Variants in IPO9 observed in about 807,000 individuals in gnomAD.
The protein encoded by IPO9 is importin 9, also known as importin-9.
A neutral mutation model predicts 128.6 loss-of-function variants in IPO9; 28 were observed. The observed-to-expected ratio is 0.22, with a 90% CI of 0.16 to 0.30. The LOEUF is 0.30. IPO9 is among the 10% of genes least tolerant of loss of function. The pLI is 1.00. For synonymous variants in IPO9, 455 were observed against 475.8 expected, an observed-to-expected ratio of 0.96 and a Z score of 0.57; for missense variants, 935 against 1,293.9, an observed-to-expected ratio of 0.72 and a Z score of 4.26.
rs1385118298 is a variant in IPO9 at position 201,881,490 on chromosome 1, C to T, written c.*5436C>T. ...TTGCAGAGAAAAAGTAAGAAAAGGC[C>T]GTCATGAAACAATTTCATTTTCAGA... On this transcript the variant is annotated 3_prime_UTR_variant, in exon 24 of 24. Transcript: ENST00000361565. 3.3e-5 allele frequency: 5 copies of T among 152,190 alleles called. No homozygotes were observed. Among genetic ancestry groups the T allele is most frequent in the African/African-American group, 1.2e-4 (5 of 41,512 alleles). 9.4% of individuals were successfully genotyped at this position (152,190 alleles called of 1,614,324 possible). A position where few individuals can be genotyped will look rare whatever the true frequency, so the allele number is the denominator to read the frequency against.
intron 8 of IPO9, 30 bp downstream of exon 8, chr1:201,854,953 A>G (rs756978298): frequency 6.5e-7 from 1 of 1,535,078 alleles, no homozygotes; most frequent in Non-Finnish European, 8.8e-7. Flanking sequence ...TAAGGGAGCT[A>G]CTACCACCTA....
chr1:201,872,149 C>T (rs575651621), intron 19 of IPO9, among the ~76,000 whole-genome samples: 2 of 152,132 alleles, frequency 1.3e-5, no homozygotes, highest in South Asian at 2.1e-4. Context: ...GCAGGAGAAT[C>T]GCTTGAACCA....
At chr1:201,856,597 G>C (rs1680332810) in intron 10 of IPO9, among the ~76,000 whole-genome samples, 1 of 152,134 alleles carries the variant, frequency 6.6e-6, no homozygotes, top group Non-Finnish European at 1.5e-5. Flanking sequence ...TACCTACCTT[G>C]CTACTTAATA....
At chr1:201,830,057 A>G (rs1038031471) in intron 1 of IPO9, among the ~76,000 whole-genome samples, 1 of 152,184 alleles carries the variant, frequency 6.6e-6, no homozygotes, top group African/African-American at 2.4e-5. Flanking sequence ...TCCGTCCTCT[A>G]TTGTGTGCTT....
At chr1:201,831,471 C>T (rs1473263909) in intron 1 of IPO9, among the ~76,000 whole-genome samples, 2 of 152,048 alleles carry the variant, frequency 1.3e-5, no homozygotes, top group South Asian at 2.1e-4. Context: ...TAGTCTGGCT[C>T]CTTAATGTCT....
At position 201,881,491 on chromosome 1, in the gene IPO9, G is replaced by A. The variant is rs996049344; in HGVS notation, c.*5437G>A. On this transcript the variant is annotated 3_prime_UTR_variant, in exon 24 of 24. Coordinates refer to ENST00000361565, the MANE Select transcript of IPO9 (RefSeq NM_018085.5). Reference sequence around the variant, plus strand: ...TGCAGAGAAAAAGTAAGAAAAGGCCGTCATGAAACAATTTCATTTTCAGAC... The same window carrying A: ...TGCAGAGAAAAAGTAAGAAAAGGCCATCATGAAACAATTTCATTTTCAGAC... 10 of 152,090 alleles carry A rather than the reference G, an allele frequency of 6.6e-5. No individual in the cohort carries two copies. Among genetic ancestry groups the A allele is most frequent in the African/African-American group, 1.9e-4 (8 of 41,396 alleles). 9.4% of individuals were successfully genotyped at this position (152,090 alleles called of 1,614,324 possible).
rs555515164 is a variant in IPO9 at position 201,869,818 on chromosome 1, G to A, written c.2133+100G>A. On this transcript the variant is annotated intron_variant, in intron 17 of 23. Coordinates refer to ENST00000361565, the MANE Select transcript of IPO9 (RefSeq NM_018085.5). ...ACATGGTTTTATGCTTTTGAAATAC[G>A]GAATTCTCAACTCCATATTTACTTA... The A allele has an allele frequency of 1.8e-5, 25 of 1,389,544 alleles. 1 individual carries two copies. The East Asian group carries it at 1.9e-4, about 11-fold the overall frequency. 86.1% of individuals were successfully genotyped at this position (1,389,544 alleles called of 1,614,324 possible).
intron 1 of IPO9, among the ~76,000 whole-genome samples, chr1:201,835,861 C>T (rs1679910317): frequency 6.6e-6 from 1 of 152,100 alleles, no homozygotes; most frequent in Admixed American, 6.5e-5. Flanking sequence ...CCTGTAATCC[C>T]AGCACTTTGG....
At chr1:201,843,888 A>G (rs532620814) in intron 1 of IPO9, among the ~76,000 whole-genome samples, 45 of 151,866 alleles carry the variant, frequency 3.0e-4, no homozygotes, top group Non-Finnish European at 6.2e-4. Flanking sequence ...AATAAGGCTT[A>G]CAGGAGCTGA....
At chr1:201,832,508 C>T (rs1373554541) in intron 1 of IPO9, among the ~76,000 whole-genome samples, 1 of 152,242 alleles carries the variant, frequency 6.6e-6, no homozygotes, top group East Asian at 1.9e-4. Flanking sequence ...GTCTGCCCAC[C>T]TCAGCCTCCC....
Position 201,855,113 on chromosome 1 carries a change from C to G in IPO9, c.912-11C>G. 6.4e-7 allele frequency: 1 copy of G among 1,558,844 alleles called. No homozygotes were observed. The highest frequency in any genetic ancestry group is 8.8e-7 in the Non-Finnish European group (1 of 1,133,744). ...AGACTCCAAATTCTATTTCTTTACT[C>G]TTCATCATACTTATGTGAGGACAGA... On this transcript the variant is annotated splice_polypyrimidine_tract_variant and intron_variant, in intron 8 of 23. Transcript: ENST00000361565.
chr1:201,882,038 C>A lies in IPO9; in HGVS notation c.*5984C>A, dbSNP rs1039312548. 1 of 152,130 alleles carries A rather than the reference C, an allele frequency of 6.6e-6. No homozygotes were observed. Among genetic ancestry groups the A allele is most frequent in the African/African-American group, 2.4e-5 (1 of 41,414 alleles). The allele number at this position is 152,130 out of a possible 1,614,324, so 9.4% of individuals were successfully genotyped here. On this transcript the variant is annotated 3_prime_UTR_variant, in exon 24 of 24. Coordinates refer to ENST00000361565, the MANE Select transcript of IPO9 (RefSeq NM_018085.5). ...AGGCTAGACCTTTAGTTAGCAGTCA[C>A]GGGAAAATTCCCCATTCTCACGGGG...
chr1:201,844,284 C>T (rs939659763), intron 1 of IPO9, among the ~76,000 whole-genome samples: 2 of 152,176 alleles, frequency 1.3e-5, no homozygotes, highest in African/African-American at 4.8e-5. Flanking sequence ...CACAGCATCA[C>T]TTTCTGGTAT....
intron 6 of IPO9, among the ~76,000 whole-genome samples, chr1:201,854,030 C>T (rs1009674966): frequency 7.9e-5 from 12 of 152,176 alleles, no homozygotes; most frequent in Admixed American, 7.9e-4. Flanking sequence ...GCCACCATGC[C>T]CAGCCTAATG....
Position 201,855,838 on chromosome 1 carries a change from T to G in IPO9, c.1026T>G (p.Ala342=), listed in dbSNP as rs1279296667. 8.1e-6 allele frequency: 13 copies of G among 1,612,700 alleles called. No individual in the cohort carries two copies. The highest frequency in any genetic ancestry group is 1.3e-5 in the African/African-American group (1 of 74,874). ...LVFSIFEFVH[A]LLENSKFKST... ...TTAGCATTTTTGAATTTGTCCATGC[T>G]CTACTAGAAAATAGCAAATTCAAAA... Residue 342 remains alanine, a synonymous_variant, in exon 10 of 24, where the codon GCT becomes GCG. Coordinates refer to ENST00000361565, the MANE Select transcript of IPO9 (RefSeq NM_018085.5).
intron 1 of IPO9, among the ~76,000 whole-genome samples, chr1:201,831,740 G>A (rs2820295): frequency 0.3 from 45,480 of 152,026 alleles, 6,975 homozygotes; most frequent in Non-Finnish European, 0.33. Flanking sequence ...CAGCTTTCCA[G>A]CCGGGATTTA....
At chr1:201,854,228 A>T (rs1680277479) in intron 6 of IPO9, among the ~76,000 whole-genome samples, 1 of 152,186 alleles carries the variant, frequency 6.6e-6, no homozygotes, top group Admixed American at 6.5e-5. Flanking sequence ...TTACTTCTTC[A>T]AACACCTTAT....
chr1:201,870,449 G>A lies in IPO9; in HGVS notation c.2134-134G>A. On this transcript the variant is annotated intron_variant, in intron 17 of 23. Coordinates refer to ENST00000361565, the MANE Select transcript of IPO9 (RefSeq NM_018085.5). The surrounding 1 kb of genome is among the most constrained non-coding windows in gnomAD (Gnocchi z 4.9). ...AAATGTCTTAACTCCAGTGGTATGA[G>A]CCCACCACAAACATTATAGACTCAC... The A allele has an allele frequency of 2.2e-6, 2 of 921,446 alleles. No individual in the cohort carries two copies. Among genetic ancestry groups the A allele is most frequent in the East Asian group, 5.3e-5 (2 of 37,902 alleles). 57.1% of individuals were successfully genotyped at this position (921,446 alleles called of 1,614,324 possible).
Position 201,876,761 on chromosome 1 carries a change from A to G in IPO9, c.*707A>G, listed in dbSNP as rs578142371. ...TTTGATCTTCCTTTTTTAGAAAAAAAAAAAAAAATGGGGAAAAGGGATTTT... is the reference window on the plus strand; with the variant it reads ...TTTGATCTTCCTTTTTTAGAAAAAAGAAAAAAAATGGGGAAAAGGGATTTT... On this transcript the variant is annotated 3_prime_UTR_variant, in exon 24 of 24. Transcript: ENST00000361565. 1 of 152,156 alleles carries G rather than the reference A, an allele frequency of 6.6e-6. No individual in the cohort carries two copies. The highest frequency in any genetic ancestry group is 1.9e-4 in the East Asian group (1 of 5,174). The allele number at this position is 152,156 out of a possible 1,614,324, so 9.4% of individuals were successfully genotyped here.
Sources: allele counts gnomAD v4.1 joint callset (sites outside exome capture counted in the v4.1 genomes callset), GRCh38; gene constraint gnomAD v4.1.1; non-coding constraint Gnocchi (gnomAD v3.1); transcripts MANE v1.5; gene names NCBI Gene and HGNC (gene_info 2026-07-23, HGNC 2026-07-21).